CELF2: variants seen among roughly 807,000 people sequenced by gnomAD.
CELF2 encodes the protein CUG triplet repeat RNA-binding protein 2.
In CELF2, 8 loss-of-function variants were observed where a neutral mutation model predicts 62.6. That is an observed-to-expected ratio of 0.13 (90% confidence interval 0.07 to 0.23). The LOEUF is 0.23. Among genes scored for constraint, CELF2 ranks in the 10% least tolerant of loss-of-function variants. The pLI, the probability that CELF2 is intolerant of heterozygous loss-of-function variation, is 1.00. For synonymous variants in CELF2, 258 were observed against 250.0 expected, an observed-to-expected ratio of 1.03 and a Z score of -0.30; for missense variants, 333 against 671.0, an observed-to-expected ratio of 0.50 and a Z score of 5.56.
chr10:11,279,819 A>G (rs1048136848), intron 8 of CELF2, among the ~76,000 whole-genome samples: 2 of 152,148 alleles, frequency 1.3e-5, no homozygotes, highest in African/African-American at 4.8e-5. Flanking sequence ...TTTGAGAAGG[A>G]TATTTTTCCC....
At position 11,211,813 on chromosome 10, in the gene CELF2, A is replaced by AGTGTGTGTGT. The variant is rs869213973; in HGVS notation, c.272-5579_272-5570dup. Among the ~76,000 whole-genome samples, 5 of 89,256 alleles carry AGTGTGTGTGT rather than the reference A, an allele frequency of 5.6e-5. No individual in the cohort carries two copies. The highest frequency in any genetic ancestry group is 1.2e-4 in the Non-Finnish European group (5 of 42,366). 58.6% of individuals were successfully genotyped at this position (89,256 alleles called of 152,430 possible). On this transcript the variant is annotated intron_variant, in intron 2 of 12. Transcript: ENST00000633077. The surrounding 1 kb of genome is among the most constrained non-coding windows in gnomAD (Gnocchi z 4.8). ...GTGTGAGAGAGAGAGAGAGAGAGAG[A>AGTGTGTGTGT]GTGTGTGTGTGTGTGTGTGTGTGTG...
At chr10:10,639,900 T>C in the CELF2 span, among the ~76,000 whole-genome samples, 1 of 152,308 alleles carries the variant, frequency 6.6e-6, no homozygotes, top group South Asian at 2.1e-4. Flanking sequence ...ATTTTTATTC[T>C]TTCTCTACAT....
intron 4 of CELF2, among the ~76,000 whole-genome samples, chr10:11,256,665 T>TA (rs34123569): frequency 2.6e-4 from 25 of 96,660 alleles, no homozygotes; most frequent in African/African-American, 1.3e-3. Context: ...GTGATGTCCT[T>TA]AAAAAAAAAA....
rs368397436 is a variant in CELF2 at position 11,087,501 on chromosome 10, G to A, written c.74+69338G>A. ...TCCATTTAAATTATGCCCTTCTGAC[G>A]GCCCGTCGACTGACGTAGAACATGG... On this transcript the variant is annotated intron_variant, in intron 1 of 12. Coordinates refer to ENST00000633077, the MANE Select transcript of CELF2 (RefSeq NM_001326342.2). 6.6e-5 allele frequency among the ~76,000 whole-genome samples: 10 copies of A among 152,294 alleles called. No individual in the cohort carries two copies. In the East Asian group the frequency reaches 1.4e-3, roughly 21 times the overall value.
At chr10:10,908,214 A>ATTTTT (rs796857171) in intron 1 of CELF2, among the ~76,000 whole-genome samples, 2,852 of 83,480 alleles carry the variant, frequency 0.034, 499 homozygotes, top group African/African-American at 0.074. Flanking sequence ...GTATGAGGGG[A>ATTTTT]TTTTTTTTTT....
chr10:10,577,631 T>C, the CELF2 span, among the ~76,000 whole-genome samples: 1 of 151,966 alleles, frequency 6.6e-6, no homozygotes, highest in South Asian at 2.1e-4. Context: ...GTCCTTGCGA[T>C]AGTTTGCTGA....
At chr10:10,603,778 T>TACACAC in the CELF2 span, among the ~76,000 whole-genome samples, 1 of 131,476 alleles carries the variant, frequency 7.6e-6, no homozygotes, top group Non-Finnish European at 1.6e-5. Flanking sequence ...CTAGGATATT[T>TACACAC]ACACATACAC....
At chr10:10,572,572 T>G in the CELF2 span, among the ~76,000 whole-genome samples, 5 of 151,964 alleles carry the variant, frequency 3.3e-5, no homozygotes, top group African/African-American at 1.2e-4. Flanking sequence ...GTGTTCTCAT[T>G]GTTCAGCTCC....
intron 1 of CELF2, among the ~76,000 whole-genome samples, chr10:10,831,598 A>C (rs1156604859): frequency 2.6e-5 from 4 of 152,210 alleles, no homozygotes; most frequent in Admixed American, 1.3e-4. Context: ...CCTGATCTCC[A>C]CCTGGTCAAG....
intron 1 of CELF2, among the ~76,000 whole-genome samples, chr10:11,068,210 G>C (rs2068684507): frequency 6.6e-6 from 1 of 152,220 alleles, no homozygotes; most frequent in African/African-American, 2.4e-5. Flanking sequence ...TATTGAGAGA[G>C]CAGACATTGA....
In CELF2 at chr10:11,220,135, A is replaced by G. The variant is rs1401857435; in HGVS notation, c.354+2628A>G. Among the ~76,000 whole-genome samples, 2 of 152,242 alleles carry G rather than the reference A, an allele frequency of 1.3e-5. No homozygotes were observed. The highest frequency in any genetic ancestry group is 2.9e-5 in the Non-Finnish European group (2 of 68,024). Reference sequence around the variant, plus strand: ...ACACTTTAAAGCTTTTCTGGTTGTAATCATTTTCCTGTGGATAAAATCCAT... The same window carrying G: ...ACACTTTAAAGCTTTTCTGGTTGTAGTCATTTTCCTGTGGATAAAATCCAT... On this transcript the variant is annotated intron_variant, in intron 3 of 12. Coordinates refer to ENST00000633077, the MANE Select transcript of CELF2 (RefSeq NM_001326342.2). The surrounding 1 kb of genome is among the most constrained non-coding windows in gnomAD (Gnocchi z 4.4).
the CELF2 span, among the ~76,000 whole-genome samples, chr10:10,710,854 C>T: frequency 0.027 from 4,100 of 152,142 alleles, 185 homozygotes; most frequent in African/African-American, 0.093. Flanking sequence ...ACAACTGAGA[C>T]GTTGATACTG....
the CELF2 span, among the ~76,000 whole-genome samples, chr10:10,742,146 G>A: frequency 2.6e-5 from 4 of 152,282 alleles, no homozygotes; most frequent in East Asian, 7.7e-4. Context: ...GAAGTGAAAT[G>A]TCAAGTCTTC....
At chr10:11,014,895 A>G (rs1018195400), upstream of CELF2, among the ~76,000 whole-genome samples, 1 of 152,200 alleles carries the variant, frequency 6.6e-6, no homozygotes, top group African/African-American at 2.4e-5. Flanking sequence ...AGAAGAGCTT[A>G]AGGTTTTTCC....
chr10:10,587,265 A>G, the CELF2 span, among the ~76,000 whole-genome samples: 1 of 152,210 alleles, frequency 6.6e-6, no homozygotes, highest in Non-Finnish European at 1.5e-5. Flanking sequence ...ACATGCAACA[A>G]AATGTCGATA....
intron 1 of CELF2, among the ~76,000 whole-genome samples, chr10:10,876,194 A>G (rs998136282): frequency 2.0e-5 from 3 of 152,186 alleles, no homozygotes; most frequent in African/African-American, 7.2e-5. Flanking sequence ...CACCAAACTC[A>G]ATGTCAGCTT....
At chr10:10,701,726 G>T in the CELF2 span, among the ~76,000 whole-genome samples, 2 of 152,198 alleles carry the variant, frequency 1.3e-5, no homozygotes, top group South Asian at 4.1e-4. Flanking sequence ...GGCGAGATGG[G>T]TAACCAAGAG....
chr10:10,688,628 G>A, the CELF2 span, among the ~76,000 whole-genome samples: 1 of 152,144 alleles, frequency 6.6e-6, no homozygotes, highest in Non-Finnish European at 1.5e-5. Flanking sequence ...AATATTTACA[G>A]TATTTAGCAT....
At chr10:10,786,476 T>C in the CELF2 span, among the ~76,000 whole-genome samples, 346 of 93,108 alleles carry the variant, frequency 3.7e-3, 3 homozygotes, top group African/African-American at 0.013. Context: ...TGTGATCCAT[T>C]TGAAAAAAAA....
Sources: allele counts gnomAD v4.1 joint callset (sites outside exome capture counted in the v4.1 genomes callset), GRCh38; gene constraint gnomAD v4.1.1; non-coding constraint Gnocchi (gnomAD v3.1); transcripts MANE v1.5; gene names NCBI Gene and HGNC (gene_info 2026-07-23, HGNC 2026-07-21).